The following CLSTN1 variants were observed in gnomAD, a reference collection of about 807,000 sequenced individuals.
The protein encoded by CLSTN1 is calsyntenin 1.
In CLSTN1, 28 loss-of-function variants were observed where a neutral mutation model predicts 108.3. That is an observed-to-expected ratio of 0.26 (90% CI 0.19 to 0.35). The LOEUF is 0.35. Ranked by LOEUF, CLSTN1 falls within the 10% of genes least tolerant of loss-of-function variation. The pLI, the probability that CLSTN1 is intolerant of heterozygous loss-of-function variation, is 1.00. For missense variants in CLSTN1, 1,157 were observed against 1,302.6 expected (o/e 0.89, Z 1.72); for synonymous variants, 524 against 534.9 (o/e 0.98, Z 0.28).
At chr1:9,780,861 C>A in intron 1 of CLSTN1, 1 of 266,082 alleles carries the variant, frequency 3.8e-6, no homozygotes, top group Non-Finnish European at 6.9e-6. Flanking sequence ...GGCGAGTAGC[C>A]GTGGCAGCGA....
chr1:9,796,559 C>CT (rs1379329812), intron 1 of CLSTN1, among the ~76,000 whole-genome samples: 4 of 150,904 alleles, frequency 2.7e-5, no homozygotes, highest in Non-Finnish European at 5.9e-5. Flanking sequence ...TGGCAGGCGC[C>CT]TGTAGTCCCA....
chr1:9,732,357 C>CT (rs1225643559), intron 16 of CLSTN1, among the ~76,000 whole-genome samples: 1 of 152,166 alleles, frequency 6.6e-6, no homozygotes, highest in African/African-American at 2.4e-5. Flanking sequence ...CACCACGCAC[C>CT]TGGCTGCAAT....
chr1:9,786,824 T>A (rs1025863056), intron 1 of CLSTN1, among the ~76,000 whole-genome samples: 1 of 151,168 alleles, frequency 6.6e-6, no homozygotes, highest in Non-Finnish European at 1.5e-5. Context: ...TACATCGGGC[T>A]CCTCGTGTTG....
intron 1 of CLSTN1, among the ~76,000 whole-genome samples, chr1:9,800,227 T>C (rs1654195649): frequency 6.6e-6 from 1 of 150,472 alleles, no homozygotes; most frequent in Non-Finnish European, 1.5e-5. Flanking sequence ...AAATAAAAAC[T>C]GAAACAAAAA....
rs770938599 is a variant in CLSTN1 at position 9,735,463 on chromosome 1, G to C, written c.1883+4C>G. 1 of 1,614,164 alleles carries C rather than the reference G, an allele frequency of 6.2e-7. No individual in the cohort carries two copies. The highest frequency in any genetic ancestry group is 8.5e-7 in the Non-Finnish European group (1 of 1,180,028). ...CAGGCCGGCTGTTAAAAATCAGGAC[G>C]TACTTGATTGTGCTGGTGATTTTGA... On this transcript the variant is annotated splice_donor_region_variant and intron_variant, in intron 13 of 18. Transcript: ENST00000377298.
Position 9,823,235 on chromosome 1 carries a change from G to C in CLSTN1, c.91+408C>G, listed in dbSNP as rs533983807. 1.3e-5 allele frequency among the ~76,000 whole-genome samples: 2 copies of C among 152,312 alleles called. No homozygotes were observed. Among genetic ancestry groups the C allele is most frequent in the South Asian group, 4.1e-4 (2 of 4,828 alleles). On this transcript the variant is annotated intron_variant, in intron 1 of 18. Transcript: ENST00000377298. This position sits in a 1 kb window ranked among gnomAD's most constrained non-coding sequence, Gnocchi z 6.3. ...ACACGTACACAGAGCATCTCACCCA[G>C]GGGTGCAGCCCCAGCCTGCGTGCGC...
chr1:9,778,066 C>T (rs546720094), intron 1 of CLSTN1, among the ~76,000 whole-genome samples: 20 of 152,218 alleles, frequency 1.3e-4, no homozygotes, highest in Admixed American at 8.5e-4. Context: ...TCAGGGCCTT[C>T]GCTTCCTCAT....
chr1:9,783,513 A>G (rs1653344769), intron 1 of CLSTN1, among the ~76,000 whole-genome samples: 1 of 152,166 alleles, frequency 6.6e-6, no homozygotes, highest in South Asian at 2.1e-4. Context: ...TGAGGTCAGG[A>G]GTTCGAGACC....
intron 1 of CLSTN1, among the ~76,000 whole-genome samples, chr1:9,810,467 C>T (rs533059395): frequency 6.6e-6 from 1 of 151,372 alleles, no homozygotes; most frequent in South Asian, 2.1e-4. Context: ...CAGAATGAGA[C>T]TCTGTCTCAA....
At chr1:9,733,255 G>T in intron 16 of CLSTN1, 146 bp downstream of exon 16, 2 of 949,166 alleles carry the variant, frequency 2.1e-6, no homozygotes, top group South Asian at 1.6e-5. Flanking sequence ...GCAGGCCCCA[G>T]GCTGGAAAGG....
At chr1:9,782,653 G>A (rs2101193791) in intron 1 of CLSTN1, among the ~76,000 whole-genome samples, 1 of 152,260 alleles carries the variant, frequency 6.6e-6, no homozygotes, top group Middle Eastern at 3.4e-3. Context: ...ATCAACTTTA[G>A]GATTAACATG....
intron 1 of CLSTN1, among the ~76,000 whole-genome samples, chr1:9,793,871 C>T (rs1014224960): frequency 1.3e-5 from 2 of 151,542 alleles, no homozygotes; most frequent in African/African-American, 4.8e-5. Flanking sequence ...GTGGTACCCA[C>T]TGCCTTTCTG....
intron 2 of CLSTN1, among the ~76,000 whole-genome samples, chr1:9,758,726 T>C (rs1231359228): frequency 2.0e-5 from 3 of 152,196 alleles, no homozygotes. Flanking sequence ...AATCCACGGG[T>C]CAAAACATGT....
intron 10 of CLSTN1, among the ~76,000 whole-genome samples, chr1:9,739,520 AG>A (rs1367373919): frequency 2.0e-5 from 3 of 152,154 alleles, no homozygotes; most frequent in African/African-American, 4.8e-5. Context: ...AGACCACCCA[AG>A]GGCTCCATGG....
chr1:9,747,178 A>AAC, intron 7 of CLSTN1, among the ~76,000 whole-genome samples: 2 of 108,120 alleles, frequency 1.8e-5, no homozygotes, highest in South Asian at 7.1e-4. Context: ...GACTGTCTCA[A>AAC]AAAAAAAAAA....
rs752067668 is a variant in CLSTN1, at chr1:9,773,312, T to C, written c.174A>G (p.Pro58=). 3.1e-6 allele frequency: 5 copies of C among 1,613,952 alleles called. No homozygotes were observed. The highest frequency in any genetic ancestry group is 1.1e-5 in the South Asian group (1 of 91,064). ...ENDNTVLLDP[P]LIALDKDAPL... ...GCGCATCTTTATCCAGCGCGATCAG[T>C]GGGGGGTCGAGGAGCACGGTGTTGT... The change falls in exon 2 of 19, where the codon CCA becomes CCG. Residue 58 remains proline (P), a synonymous_variant. Coordinates refer to ENST00000377298, the MANE Select transcript of CLSTN1 (RefSeq NM_001009566.3).
At chr1:9,787,091 TAG>T (rs1005322455) in intron 1 of CLSTN1, among the ~76,000 whole-genome samples, 24 of 151,142 alleles carry the variant, frequency 1.6e-4, no homozygotes, top group African/African-American at 4.1e-4. Flanking sequence ...GACTGCAGTT[TAG>T]AGTCTAGGTA....
intron 1 of CLSTN1, among the ~76,000 whole-genome samples, chr1:9,775,735 C>T (rs1162730477): frequency 2.0e-5 from 3 of 152,084 alleles, no homozygotes; most frequent in African/African-American, 4.8e-5. Context: ...GGCTTGAAAA[C>T]GTTGTTTCCA....
At chr1:9,791,529 C>T (rs972337164) in intron 1 of CLSTN1, among the ~76,000 whole-genome samples, 1 of 151,156 alleles carries the variant, frequency 6.6e-6, no homozygotes, top group African/African-American at 2.4e-5. Flanking sequence ...CCACCATGCC[C>T]GGCCCAAATC....
Sources: gnomAD v4.1 joint callset for allele counts (sites outside exome capture counted in the v4.1 genomes callset) on GRCh38, gnomAD v4.1.1 for gene constraint, Gnocchi (gnomAD v3.1) non-coding constraint, MANE v1.5 for transcripts, NCBI Gene and HGNC (gene_info 2026-07-23, HGNC 2026-07-21) for gene names.